PLPPR5: variants seen among roughly 807,000 people sequenced by gnomAD.
PLPPR5 encodes the protein phospholipid phosphatase-related protein type 5.
Under a neutral mutation model 33.9 loss-of-function variants are expected in PLPPR5, and 16 were observed. The ratio of observed to expected loss-of-function variants is 0.47; its 90% CI spans 0.32 to 0.72. The LOEUF (loss-of-function observed/expected upper bound fraction) is 0.72, where lower values mean the gene tolerates loss of function less well. Among genes scored for constraint, PLPPR5 ranks in the 30% least tolerant of loss-of-function variants. The probability of loss-of-function intolerance (pLI) is 0.03; values close to 1 mark genes in which losing one functional copy is unlikely to be tolerated. For synonymous variants in PLPPR5, 163 were observed against 150.3 expected (o/e 1.08, Z -0.62); for missense variants, 301 against 406.7 (o/e 0.74, Z 2.23).
intron 1 of PLPPR5, among the ~76,000 whole-genome samples, chr1:98,997,154 A>C (rs1652659498): frequency 6.6e-6 from 1 of 152,160 alleles, no homozygotes. Context: ...ATGTAAAACA[A>C]ACTAGCTATC....
intron 3 of PLPPR5, among the ~76,000 whole-genome samples, chr1:98,948,528 T>C (rs1650644171): frequency 6.6e-6 from 1 of 152,204 alleles, no homozygotes; most frequent in African/African-American, 2.4e-5. Flanking sequence ...GTGGAATCTA[T>C]TTCTCTACCC....
At chr1:98,961,883 C>T (rs760746194) in intron 1 of PLPPR5, among the ~76,000 whole-genome samples, 27 of 152,172 alleles carry the variant, frequency 1.8e-4, no homozygotes, top group Non-Finnish European at 3.2e-4. Flanking sequence ...CCTCCTAAGA[C>T]TTTACCATCC....
intron 1 of PLPPR5, among the ~76,000 whole-genome samples, chr1:98,999,563 A>T (rs1652751030): frequency 6.6e-6 from 1 of 152,224 alleles, no homozygotes. Flanking sequence ...CAGGATAAGA[A>T]TCCAGACACA....
At chr1:98,970,717 G>A (rs1472879011) in intron 1 of PLPPR5, among the ~76,000 whole-genome samples, 1 of 151,968 alleles carries the variant, frequency 6.6e-6, no homozygotes, top group East Asian at 1.9e-4. Context: ...AAGAGGTTAA[G>A]TAATTTTCCC....
chr1:98,914,737 G>T (rs1378461526), intron 5 of PLPPR5, 49 bp downstream of exon 5: 2 of 1,510,210 alleles, frequency 1.3e-6, no homozygotes, highest in South Asian at 2.4e-5. Context: ...CAGGAATAAT[G>T]ATTCATTTGC....
chr1:98,931,118 CTCTT>C (rs1649949502), intron 3 of PLPPR5, among the ~76,000 whole-genome samples: 1 of 152,168 alleles, frequency 6.6e-6, no homozygotes, highest in Non-Finnish European at 1.5e-5. Context: ...AGCAGGATGA[CTCTT>C]TCTCACTTTG....
chr1:98,926,697 A>G (rs1333443454), intron 3 of PLPPR5, among the ~76,000 whole-genome samples: 1 of 152,158 alleles, frequency 6.6e-6, no homozygotes, highest in Non-Finnish European at 1.5e-5. Context: ...GCTGGCATCT[A>G]TCATATTATA....
In PLPPR5 at chr1:98,890,676, T is replaced by C. The variant is rs1273134780; in HGVS notation, c.*2396A>G. The C allele has an allele frequency of 1.3e-5, 2 of 152,584 alleles. No homozygotes were observed. Among genetic ancestry groups the C allele is most frequent in the South Asian group, 2.1e-4 (1 of 4,832 alleles). The allele number at this position is 152,584 out of a possible 1,614,324, so 9.5% of individuals were successfully genotyped here. On this transcript the variant is annotated 3_prime_UTR_variant, in exon 6 of 6. Coordinates refer to ENST00000263177, the MANE Select transcript of PLPPR5 (RefSeq NM_001037317.2). ...TTACATGGTAATATTTTCTGAAATATGATTTTCATTATTCTCAGTAACAGC... is the reference window on the plus strand; with the variant it reads ...TTACATGGTAATATTTTCTGAAATACGATTTTCATTATTCTCAGTAACAGC...
Position 99,004,525 on chromosome 1 carries a change from G to A in PLPPR5, c.147C>T (p.Ala49=). 1 of 1,613,280 alleles carries A rather than the reference G, an allele frequency of 6.2e-7. No individual in the cohort carries two copies. The highest frequency in any genetic ancestry group is 1.1e-5 in the South Asian group (1 of 91,084). Residue 49 remains alanine (A), a synonymous_variant, in exon 1 of 6, where the codon GCC becomes GCT. Transcript: ENST00000263177. The part of the protein sequence containing the change: ...NVQGFFCHDS[A]YRKPYPGPED... The stretch of plus-strand genomic sequence containing the variant: ...CCGGGCCCGGGTAGGGTTTGCGGTA[G>A]GCGCTGTCGTGGCAGAAGAAGCCCT...
chr1:99,001,133 C>CT lies in PLPPR5; in HGVS notation c.237+3301dup, dbSNP rs72190147. Among the ~76,000 whole-genome samples the CT allele has an allele frequency of 8.6e-3, 1,153 of 134,852 alleles. 13 individuals are homozygous for CT. Among genetic ancestry groups the CT allele is most frequent in the African/African-American group, 0.015 (557 of 36,430 alleles). 88.5% of individuals were successfully genotyped at this position (134,852 alleles called of 152,430 possible). A position where few individuals can be genotyped will look rare whatever the true frequency, so the allele number is the denominator to read the frequency against. ...TACACAGCAAGTAGAGTTCCCAACT[C>CT]TTTTTTTTTTTTTTTTTTTGAGACA... On this transcript the variant is annotated intron_variant, in intron 1 of 5. Coordinates refer to ENST00000263177, the MANE Select transcript of PLPPR5 (RefSeq NM_001037317.2).
chr1:98,979,929 A>C (rs994454392), intron 1 of PLPPR5, among the ~76,000 whole-genome samples: 5 of 152,142 alleles, frequency 3.3e-5, no homozygotes, highest in African/African-American at 9.6e-5. Context: ...ACTCTGGCTC[A>C]GCACTGCTCT....
At chr1:98,912,856 T>C (rs1489911063) in intron 5 of PLPPR5, among the ~76,000 whole-genome samples, 1 of 152,178 alleles carries the variant, frequency 6.6e-6, no homozygotes, top group Non-Finnish European at 1.5e-5. Flanking sequence ...ATACTGATGA[T>C]CATTAAATGG....
chr1:99,004,418 A>G lies in PLPPR5; in HGVS notation c.237+17T>C. On this transcript the variant is annotated intron_variant, in intron 1 of 5. Transcript: ENST00000263177. ...GATCAGGGACTCGGCGACGAGGGCG[A>G]GCGCCCCCGGGCTTACCACGAGCAC... The G allele has an allele frequency of 1.3e-6, 2 of 1,575,408 alleles. No individual in the cohort carries two copies. Among genetic ancestry groups the G allele is most frequent in the Non-Finnish European group, 1.7e-6 (2 of 1,156,948 alleles).
At chr1:99,005,450 C>G (rs77243204), upstream of PLPPR5, among the ~76,000 whole-genome samples, 1 of 152,172 alleles carries the variant, frequency 6.6e-6, no homozygotes, top group East Asian at 1.9e-4. Context: ...TTTGCCTCCT[C>G]TGCAGCTTCC....
intron 4 of PLPPR5, among the ~76,000 whole-genome samples, chr1:98,921,002 T>C (rs1649533738): frequency 6.6e-6 from 1 of 152,188 alleles, no homozygotes; most frequent in African/African-American, 2.4e-5. Flanking sequence ...TCACAACTTA[T>C]ACTATACTTT....
At chr1:98,972,629 A>G (rs1451709735) in intron 1 of PLPPR5, among the ~76,000 whole-genome samples, 1 of 152,128 alleles carries the variant, frequency 6.6e-6, no homozygotes, top group African/African-American at 2.4e-5. Context: ...ACTTAAACTT[A>G]TAAGTAGCAA....
chr1:98,996,412 C>G (rs911052791), intron 1 of PLPPR5, among the ~76,000 whole-genome samples: 1 of 148,492 alleles, frequency 6.7e-6, no homozygotes, highest in Non-Finnish European at 1.5e-5. Context: ...TTTTTGCCAC[C>G]AAAAAAAAAT....
chr1:98,926,228 A>T (rs1231377162), intron 3 of PLPPR5, among the ~76,000 whole-genome samples: 3 of 152,174 alleles, frequency 2.0e-5, no homozygotes, highest in African/African-American at 7.2e-5. Context: ...GACATCTGTT[A>T]GTACTTCCCT....
intron 5 of PLPPR5, among the ~76,000 whole-genome samples, chr1:98,905,856 A>G (rs1407427097): frequency 8.5e-5 from 13 of 152,100 alleles, no homozygotes. Context: ...CTGATATTTT[A>G]TGGTTATTTT....
Sources: gnomAD v4.1 joint callset for allele counts (sites outside exome capture counted in the v4.1 genomes callset) on GRCh38, gnomAD v4.1.1 for gene constraint, MANE v1.5 for transcripts, NCBI Gene and HGNC (gene_info 2026-07-23, HGNC 2026-07-21) for gene names.